Variants in SGK3 observed in about 807,000 individuals in gnomAD.
SGK3 encodes the protein serum/glucocorticoid regulated kinase family member 3.
A neutral mutation model predicts 68.5 loss-of-function variants in SGK3; 47 were observed. The observed-to-expected ratio is 0.69, with a 90% CI of 0.54 to 0.87. SGK3 has a LOEUF of 0.87. SGK3 is among the 40% of genes least tolerant of loss of function. The probability of loss-of-function intolerance (pLI) is 0.00; values close to 1 mark genes in which losing one functional copy is unlikely to be tolerated. For missense variants in SGK3, 479 were observed against 575.5 expected, an observed-to-expected ratio of 0.83 and a Z score of 1.72; for synonymous variants, 181 against 189.1, an observed-to-expected ratio of 0.96 and a Z score of 0.35.
intron 3 of SGK3, among the ~76,000 whole-genome samples, chr8:66,799,634 T>A (rs1807848811): frequency 6.6e-6 from 1 of 152,192 alleles, no homozygotes. Context: ...ATTTATTTAT[T>A]TATTTGAGAG....
At chr8:66,737,102 T>A (rs982026616) in intron 1 of SGK3, 3 of 151,598 alleles carry the variant, frequency 2.0e-5, no homozygotes, top group Admixed American at 2.0e-4. Flanking sequence ...TTTTTTTTTT[T>A]ACAGGCGTGA....
chr8:66,854,461 G>T lies in SGK3; in HGVS notation c.1320+3541G>T, dbSNP rs553599334. On this transcript the variant is annotated intron_variant, in intron 16 of 16. Transcript: ENST00000521198. ...GTGGTATTGAGCTGTGATAGGAGTG[G>T]CTTGGCCATGCTCCAAGTGGGTCAT... Among the ~76,000 whole-genome samples, 85 of 152,278 alleles carry T rather than the reference G, an allele frequency of 5.6e-4. 1 individual carries two copies. The highest frequency in any genetic ancestry group is 2.0e-3 in the African/African-American group (82 of 41,560).
chr8:66,736,706 G>T (rs1156923687), intron 1 of SGK3, among the ~76,000 whole-genome samples: 2 of 150,916 alleles, frequency 1.3e-5, no homozygotes, highest in East Asian at 3.9e-4. Flanking sequence ...CACAACCTCT[G>T]CCTCCAAGGT....
chr8:66,847,323 A>G lies in SGK3; in HGVS notation c.1205A>G (p.Asn402Ser). 6.2e-7 allele frequency: 1 copy of G among 1,613,922 alleles called. No homozygotes were observed. Among genetic ancestry groups the G allele is most frequent in the Non-Finnish European group, 8.5e-7 (1 of 1,179,938 alleles). The change falls in exon 15 of 17, where the codon AAT (asparagine) becomes AGT (serine). Residue 402 changes from asparagine to serine, a missense_variant. Coordinates refer to ENST00000521198, the MANE Select transcript of SGK3 (RefSeq NM_001033578.3). The part of the protein sequence containing the change: ...LEELLEKDRQ[N>S]RLGAKEDFLE... The stretch of plus-strand genomic sequence containing the variant: ...GAACTCCTAGAAAAAGACAGGCAAA[A>G]TCGACTTGGTGCCAAGGAAGACTTT...
At chr8:66,826,173 A>G (rs34990825) in intron 6 of SGK3, among the ~76,000 whole-genome samples, 3,751 of 152,174 alleles carry the variant, frequency 0.025, 155 homozygotes, top group African/African-American at 0.084. Context: ...GGGTTTCACC[A>G]TATTGGCCAG....
At chr8:66,835,656 G>T in intron 8 of SGK3, 107 bp from the exon 9 acceptor site, 1 of 1,238,616 alleles carries the variant, frequency 8.1e-7, no homozygotes, top group East Asian at 2.4e-5. Context: ...GTCCCTTATG[G>T]ACTTTCTTTT....
chr8:66,805,506 C>T (rs1003922723), intron 4 of SGK3, among the ~76,000 whole-genome samples: 6 of 141,122 alleles, frequency 4.3e-5, no homozygotes, highest in Admixed American at 1.5e-4. Flanking sequence ...GGCGACAGAG[C>T]GAGACTTCAT....
intron 1 of SGK3, among the ~76,000 whole-genome samples, chr8:66,749,233 G>T (rs1476233436): frequency 6.6e-6 from 1 of 152,024 alleles, no homozygotes; most frequent in Admixed American, 6.6e-5. Context: ...GTTATTTTTG[G>T]CTGGGTGCGG....
intron 1 of SGK3, among the ~76,000 whole-genome samples, chr8:66,779,589 TATATATATATATAA>T (rs1806883188): frequency 3.1e-5 from 4 of 127,996 alleles, no homozygotes; most frequent in South Asian, 2.3e-4. Context: ...TATATATATA[TATATATATATATAA>T]AACACATTTT....
intron 1 of SGK3, among the ~76,000 whole-genome samples, chr8:66,749,717 G>C (rs1451495891): frequency 2.6e-5 from 4 of 151,990 alleles, no homozygotes; most frequent in Non-Finnish European, 4.4e-5. Context: ...AATTAGAGAC[G>C]ATTGATTTAT....
At chr8:66,772,172 T>G (rs1274197690) in intron 1 of SGK3, among the ~76,000 whole-genome samples, 2 of 147,370 alleles carry the variant, frequency 1.4e-5, no homozygotes, top group Non-Finnish European at 3.0e-5. Context: ...CATGACTCAC[T>G]GTAGCCTTGA....
At chr8:66,724,386 G>A (rs537144946) in intron 1 of SGK3, among the ~76,000 whole-genome samples, 1 of 152,310 alleles carries the variant, frequency 6.6e-6, no homozygotes, top group East Asian at 1.9e-4. Flanking sequence ...GACCAGCCTG[G>A]CCAATATGGT....
At chr8:66,765,015 CA>C (rs779345980) in intron 1 of SGK3, among the ~76,000 whole-genome samples, 15 of 152,158 alleles carry the variant, frequency 9.9e-5, no homozygotes, top group Non-Finnish European at 2.1e-4. Context: ...CTGCTGTGAA[CA>C]AACATGTGCA....
chr8:66,824,828 T>C (rs1321164257), intron 6 of SGK3, among the ~76,000 whole-genome samples: 1 of 152,220 alleles, frequency 6.6e-6, no homozygotes, highest in Non-Finnish European at 1.5e-5. Context: ...TCACACAGTA[T>C]GATTTACAGT....
intron 5 of SGK3, among the ~76,000 whole-genome samples, chr8:66,817,440 C>CA (rs916614664): frequency 1.3e-5 from 2 of 149,380 alleles, no homozygotes; most frequent in Non-Finnish European, 3.0e-5. Flanking sequence ...AAAAAAAAAA[C>CA]AAAAAAACAA....
At chr8:66,728,900 A>C (rs1319958518) in intron 1 of SGK3, among the ~76,000 whole-genome samples, 1 of 151,398 alleles carries the variant, frequency 6.6e-6, no homozygotes, top group African/African-American at 2.4e-5. Flanking sequence ...TGGGCAACAG[A>C]GCGAAACTCT....
chr8:66,734,110 G>A (rs969176938), intron 1 of SGK3, among the ~76,000 whole-genome samples: 3 of 152,154 alleles, frequency 2.0e-5, no homozygotes, highest in Non-Finnish European at 2.9e-5. Context: ...CTCAGATCAT[G>A]CAAAGCTGTT....
intron 1 of SGK3, among the ~76,000 whole-genome samples, chr8:66,762,663 T>G (rs1336015886): frequency 6.6e-6 from 1 of 152,270 alleles, no homozygotes; most frequent in Non-Finnish European, 1.5e-5. Context: ...TTTAGTTGTT[T>G]AGTCTAATCA....
intron 2 of SGK3, among the ~76,000 whole-genome samples, chr8:66,795,076 G>GTT (rs1258632057): frequency 1.3e-5 from 2 of 152,202 alleles, no homozygotes; most frequent in African/African-American, 4.8e-5. Flanking sequence ...TAAAAAGGGG[G>GTT]TTACCTGGTC....
Sources: gnomAD v4.1 joint callset for allele counts (sites outside exome capture counted in the v4.1 genomes callset) on GRCh38, gnomAD v4.1.1 for gene constraint, MANE v1.5 for transcripts, NCBI Gene and HGNC (gene_info 2026-07-23, HGNC 2026-07-21) for gene names.